The following HSD3B1 variants were observed in gnomAD, a reference collection of about 807,000 sequenced individuals.
HSD3B1 encodes the protein 3 beta-hydroxysteroid dehydrogenase/Delta 5-->4-isomerase type 1.
HSD3B1 carries 11 observed loss-of-function variants against 10.4 expected under a neutral mutation model. The ratio of observed to expected loss-of-function variants is 1.05; its 90% CI spans 0.66 to 1.75. The LOEUF (loss-of-function observed/expected upper bound fraction) is 1.75, where lower values mean the gene tolerates loss of function less well. HSD3B1 is among the 40% of genes most tolerant of loss of function. HSD3B1 has a pLI of 0.00. For synonymous variants in HSD3B1, 217 were observed against 185.4 expected, an observed-to-expected ratio of 1.17 and a Z score of -1.39; for missense variants, 490 against 454.5, an observed-to-expected ratio of 1.08 and a Z score of -0.71.
At chr1:119,512,751 T>C (rs1653972736) in intron 3 of HSD3B1, among the ~76,000 whole-genome samples, 1 of 152,110 alleles carries the variant, frequency 6.6e-6, no homozygotes. Flanking sequence ...CTAAAACCAT[T>C]ATAACTCCCA....
chr1:119,513,112 G>A (rs187226767), intron 3 of HSD3B1, among the ~76,000 whole-genome samples: 1 of 152,258 alleles, frequency 6.6e-6, no homozygotes, highest in African/African-American at 2.4e-5. Flanking sequence ...TGCCAGGGCA[G>A]GGTTTAAAAG....
chr1:119,508,832 T>G lies in HSD3B1; in HGVS notation c.145+1211T>G, dbSNP rs149842910. Among the ~76,000 whole-genome samples, 16 of 152,376 alleles carry G rather than the reference T, an allele frequency of 1.1e-4. No homozygotes were observed. In the East Asian group the frequency reaches 2.3e-3, roughly 22 times the overall value. On this transcript the variant is annotated intron_variant, in intron 2 of 3. Coordinates refer to ENST00000369413, the MANE Select transcript of HSD3B1 (RefSeq NM_000862.3). ...CCAACACTCTACTTTTGCTCTTCTCTGACCTCTTGAAATGTTCGATTTCTT... is the reference window on the plus strand; with the variant it reads ...CCAACACTCTACTTTTGCTCTTCTCGGACCTCTTGAAATGTTCGATTTCTT...
At chr1:119,509,258 G>T (rs1653873271) in intron 2 of HSD3B1, among the ~76,000 whole-genome samples, 1 of 152,202 alleles carries the variant, frequency 6.6e-6, no homozygotes. Context: ...ACAGACTAGT[G>T]CAGCATCTGT....
Position 119,513,956 on chromosome 1 carries a change from G to GT in HSD3B1, c.433_434insT (p.Glu145ValfsTer19). On this transcript the variant is annotated frameshift_variant, in exon 4 of 4. Coordinates refer to ENST00000369413, the MANE Select transcript of HSD3B1 (RefSeq NM_000862.3). LOFTEE classifies it low-confidence loss of function (END_TRUNC). ...AATCATCCAGAATGGCCATGAAGAA[G>GT]AGCCTCTGGAAAACACATGGCCCGC... is the stretch of plus-strand genomic sequence containing the variant. The GT allele has an allele frequency of 6.2e-7, 1 of 1,614,070 alleles. No individual in the cohort carries two copies. The highest frequency in any genetic ancestry group is 1.3e-5 in the African/African-American group (1 of 75,024).
chr1:119,514,038 G>T lies in HSD3B1; in HGVS notation c.515G>T (p.Trp172Leu). ...AAGGCTGTACTGGCGGCTAACGGGT[G>T]GAATCTGAAAAACGGCGGCACCCTG... is the stretch of plus-strand genomic sequence containing the variant. ...AEKAVLAANG[W>L]NLKNGGTLYT... is the part of the protein sequence containing the mutation. The change falls in exon 4 of 4, where the codon TGG becomes TTG. Residue 172 changes from tryptophan to leucine, a missense_variant. Transcript: ENST00000369413. The T allele has an allele frequency of 6.2e-7, 1 of 1,614,108 alleles. No individual in the cohort carries two copies. Among genetic ancestry groups the T allele is most frequent in the Non-Finnish European group, 8.5e-7 (1 of 1,180,002 alleles).
intron 3 of HSD3B1, among the ~76,000 whole-genome samples, chr1:119,512,389 G>A (rs749760812): frequency 1.1e-4 from 17 of 151,842 alleles, no homozygotes; most frequent in Non-Finnish European, 1.8e-4. Context: ...TTCAAAGTAT[G>A]GCTTTCCAAC....
intron 3 of HSD3B1, among the ~76,000 whole-genome samples, chr1:119,513,131 T>C (rs1230648335): frequency 1.3e-5 from 2 of 152,170 alleles, no homozygotes; most frequent in African/African-American, 4.8e-5. Context: ...AGAAGGTTTA[T>C]CACCTCCACT....
At position 119,507,418 on chromosome 1, in the gene HSD3B1, G is replaced by A; in HGVS notation, c.-59G>A. The A allele has an allele frequency of 6.3e-7, 1 of 1,592,788 alleles. No homozygotes were observed. On this transcript the variant is annotated 5_prime_UTR_variant, in exon 2 of 4. Transcript: ENST00000369413. ...CCTCTCCAGGGTCACCCTAGAATCA[G>A]ATCTGCTCCCCAGCATCTTCTGTTT... is the stretch of plus-strand genomic sequence containing the variant.
chr1:119,514,246 G>A lies in HSD3B1; in HGVS notation c.723G>A (p.Gln241=), dbSNP rs755000505. The A allele has an allele frequency of 5.0e-6, 8 of 1,614,114 alleles. No individual in the cohort carries two copies. The highest frequency in any genetic ancestry group is 6.8e-6 in the Non-Finnish European group (8 of 1,180,010). ...ACATTCTGGCCTTGAGGGCCCTGCA[G>A]GACCCCAAGAAGGCCCCAAGCATCC... ...WAHILALRAL[Q]DPKKAPSIRG... is the part of the protein sequence containing the mutation. The change falls in exon 4 of 4, where the codon CAG becomes CAA. Residue 241 remains glutamine (Q), a synonymous_variant. Transcript: ENST00000369413.
chr1:119,514,712 C>T lies in HSD3B1; in HGVS notation c.*67C>T. 1.3e-6 allele frequency: 2 copies of T among 1,550,206 alleles called. No homozygotes were observed. The highest frequency in any genetic ancestry group is 1.8e-6 in the Non-Finnish European group (2 of 1,135,656). On this transcript the variant is annotated 3_prime_UTR_variant, in exon 4 of 4. Coordinates refer to ENST00000369413, the MANE Select transcript of HSD3B1 (RefSeq NM_000862.3). ...ATGTCATCAAGCTCCACCCTCCTGG[C>T]CTCATACAGAAAGTGACAAGGGCAC...
At chr1:119,510,712 G>GTTTTTTTTTTTTTTTTT (rs1265546430) in intron 2 of HSD3B1, among the ~76,000 whole-genome samples, 1 of 39,058 alleles carries the variant, frequency 2.6e-5, no homozygotes, top group Non-Finnish European at 7.0e-5. Flanking sequence ...TGCTTGTGTG[G>GTTTTTTTTTTTTTTTTT]TTTTCTTTTT....
chr1:119,511,398 C>A (rs981735087), intron 2 of HSD3B1, 105 bp from the exon 3 acceptor site: 3 of 1,116,590 alleles, frequency 2.7e-6, no homozygotes, highest in East Asian at 2.4e-5. Context: ...CACTCTAACA[C>A]CCTACTCTAA....
At position 119,514,729 on chromosome 1, in the gene HSD3B1, C is replaced by A; in HGVS notation, c.*84C>A. ...CCTCCTGGCCTCATACAGAAAGTGA[C>A]AAGGGCACAAGCTCAGGTCCTGCTG... On this transcript the variant is annotated 3_prime_UTR_variant, in exon 4 of 4. Coordinates refer to ENST00000369413, the MANE Select transcript of HSD3B1 (RefSeq NM_000862.3). 1.4e-6 allele frequency: 2 copies of A among 1,454,444 alleles called. No individual in the cohort carries two copies. The highest frequency in any genetic ancestry group is 1.9e-6 in the Non-Finnish European group (2 of 1,054,602). The allele number at this position is 1,454,444 out of a possible 1,614,324, so 90.1% of individuals were successfully genotyped here. A position where few individuals can be genotyped will look rare whatever the true frequency, so the allele number is the denominator to read the frequency against.
rs764261304 is a variant in HSD3B1 at position 119,514,010 on chromosome 1, G to A, written c.487G>A (p.Glu163Lys). ...ATACCCACACAGCAAAAAGCTTGCTGAGAAGGCTGTACTGGCGGCTAACGG... is the reference window on the plus strand; with the variant it reads ...ATACCCACACAGCAAAAAGCTTGCTAAGAAGGCTGTACTGGCGGCTAACGG... ...APYPHSKKLA[E>K]KAVLAANGWN... Residue 163 changes from glutamate (E) to lysine (K), a missense_variant, in exon 4 of 4, where the codon GAG becomes AAG. Glu to Lys is a moderately conservative substitution (Grantham distance 56). Coordinates refer to ENST00000369413, the MANE Select transcript of HSD3B1 (RefSeq NM_000862.3). 3.7e-6 allele frequency: 6 copies of A among 1,614,154 alleles called. No homozygotes were observed. Among genetic ancestry groups the A allele is most frequent in the African/African-American group, 1.3e-5 (1 of 75,040 alleles).
intron 2 of HSD3B1, chr1:119,507,880 TC>T (rs1267988416): frequency 2.6e-6 from 1 of 390,142 alleles, no homozygotes; most frequent in African/African-American, 2.1e-5. Flanking sequence ...AGGCCTCTTT[TC>T]TTCTCATCTA....
At position 119,511,166 on chromosome 1, in the gene HSD3B1, C is replaced by T. The variant is rs1376313709; in HGVS notation, c.146-337C>T. Among the ~76,000 whole-genome samples the T allele has an allele frequency of 2.0e-5, 3 of 152,122 alleles. No homozygotes were observed. In the East Asian group the frequency reaches 5.8e-4, roughly 29 times the overall value. ...TACAGAATTAACTTCAAACTTTTCC[C>T]TCATACTCTCTACAATCACACTACT... On this transcript the variant is annotated intron_variant, in intron 2 of 3. Coordinates refer to ENST00000369413, the MANE Select transcript of HSD3B1 (RefSeq NM_000862.3).
At chr1:119,508,270 G>T (rs1653845754) in intron 2 of HSD3B1, among the ~76,000 whole-genome samples, 1 of 151,870 alleles carries the variant, frequency 6.6e-6, no homozygotes, top group Non-Finnish European at 1.5e-5. Context: ...ATCAGTGAGA[G>T]AATGTGTGTG....
chr1:119,513,901 A>G lies in HSD3B1; in HGVS notation c.378A>G (p.Ile126Met). 1 of 1,614,082 alleles carries G rather than the reference A, an allele frequency of 6.2e-7. No individual in the cohort carries two copies. Among genetic ancestry groups the G allele is most frequent in the Non-Finnish European group, 8.5e-7 (1 of 1,179,990 alleles). The change falls in exon 4 of 4, where the codon ATA (isoleucine) becomes ATG (methionine). Residue 126 changes from isoleucine (I) to methionine (M), a missense_variant. By Grantham distance (10) the Ile-to-Met change is conservative (BLOSUM62 1). Coordinates refer to ENST00000369413, the MANE Select transcript of HSD3B1 (RefSeq NM_000862.3). ...SVPVFIYTSS[I>M]EVAGPNSYKE... The stretch of plus-strand genomic sequence containing the variant: ...CAGTCTTCATCTACACCAGTAGCAT[A>G]GAGGTAGCCGGGCCCAACTCCTACA...
rs934558013 is a variant in HSD3B1, at chr1:119,511,661, G to A, written c.304G>A (p.Val102Met). 4 of 1,613,500 alleles carry A rather than the reference G, an allele frequency of 2.5e-6. No individual in the cohort carries two copies. Among genetic ancestry groups the A allele is most frequent in the Non-Finnish European group, 3.4e-6 (4 of 1,179,618 alleles). ...THRESIMNVN[V>M]KGTQLLLEAC... is the part of the protein sequence containing the mutation. ...CAGAGAGTCTATCATGAATGTCAAT[G>A]TGAAAGGTATGGTAGGCTGGGGAGG... Residue 102 changes from valine (V) to methionine (M), a missense_variant, in exon 3 of 4, where the codon GTG becomes ATG. By Grantham distance (21) the Val-to-Met change is conservative (BLOSUM62 1). Coordinates refer to ENST00000369413, the MANE Select transcript of HSD3B1 (RefSeq NM_000862.3).
Sources: gnomAD v4.1 joint callset for allele counts (sites outside exome capture counted in the v4.1 genomes callset) on GRCh38, gnomAD v4.1.1 for gene constraint, MANE v1.5 for transcripts, NCBI Gene and HGNC (gene_info 2026-07-23, HGNC 2026-07-21) for gene names.